Variants in MBTPS1 observed in about 807,000 individuals in gnomAD.
MBTPS1 encodes membrane bound transcription factor peptidase, site 1.
Under a neutral mutation model 127.8 loss-of-function variants are expected in MBTPS1, and 94 were observed. The ratio of observed to expected loss-of-function variants is 0.74; its 90% CI spans 0.62 to 0.87. The LOEUF (loss-of-function observed/expected upper bound fraction) is 0.87, where lower values mean the gene tolerates loss of function less well. MBTPS1 is among the 40% of genes least tolerant of loss of function. The pLI is 0.00. For missense variants in MBTPS1, 1,636 were observed against 1,353.2 expected (o/e 1.21, Z -3.28); for synonymous variants, 632 against 509.4 (o/e 1.24, Z -3.24).
chr16:84,114,511 T>C (rs2086442554), intron 1 of MBTPS1, among the ~76,000 whole-genome samples: 1 of 151,956 alleles, frequency 6.6e-6, no homozygotes, highest in Non-Finnish European at 1.5e-5. Flanking sequence ...ACCTCCAAAC[T>C]TCTAACTTCC....
Position 84,069,931 on chromosome 16 carries a change from G to A in MBTPS1, c.1890C>T (p.Asn630=), listed in dbSNP as rs2085745564. 1 of 1,613,896 alleles carries A rather than the reference G, an allele frequency of 6.2e-7. No individual in the cohort carries two copies. Among genetic ancestry groups the A allele is most frequent in the Admixed American group, 1.7e-5 (1 of 59,996 alleles). ...GGAAATAGCCAGGTGGATAGCGGAG[G>A]TTGTGGTACTGATCCCAGAGAACTC... ...SKRVLWDQYH[N]LRYPPGYFPR... is the part of the protein sequence containing the mutation. Residue 630 remains asparagine (N), a synonymous_variant, in exon 14 of 23, where the codon AAC becomes AAT. Coordinates refer to ENST00000343411, the MANE Select transcript of MBTPS1 (RefSeq NM_003791.4).
intron 22 of MBTPS1, among the ~76,000 whole-genome samples, chr16:84,055,097 C>A (rs1372666255): frequency 2.6e-5 from 4 of 152,180 alleles, no homozygotes; most frequent in African/African-American, 9.7e-5. Context: ...TGGCAGTGCC[C>A]CGCCTCTGGG....
At chr16:84,065,608 G>T (rs965195369) in intron 18 of MBTPS1, 82 bp downstream of exon 18, 6 of 889,942 alleles carry the variant, frequency 6.7e-6, no homozygotes, top group African/African-American at 5.0e-5. Context: ...AAAAGAGACA[G>T]AGATGAGAGA....
chr16:84,102,766 T>C (rs1436162851), intron 1 of MBTPS1, among the ~76,000 whole-genome samples: 1 of 152,228 alleles, frequency 6.6e-6, no homozygotes, highest in Non-Finnish European at 1.5e-5. Context: ...GCAAAGTAAT[T>C]TCCCTATCAG....
In MBTPS1 at chr16:84,108,242, C is replaced by T. The variant is rs182044288; in HGVS notation, c.-324-6135G>A. 8.2e-4 allele frequency among the ~76,000 whole-genome samples: 125 copies of T among 152,088 alleles called. 1 individual carries two copies. In the South Asian group the frequency reaches 9.4e-3, roughly 11 times the overall value. The stretch of plus-strand genomic sequence containing the variant: ...CAGACAGAGCATGCACACACAGATA[C>T]AGACACACAAACCTAAGGAAAAGCA... On this transcript the variant is annotated intron_variant, in intron 1 of 22. Transcript: ENST00000343411.
At chr16:84,116,533 C>G (rs2086481730) in intron 1 of MBTPS1, among the ~76,000 whole-genome samples, 1 of 152,214 alleles carries the variant, frequency 6.6e-6, no homozygotes, top group South Asian at 2.1e-4. Context: ...GCTGCCGGAG[C>G]GCGCAGACCC....
rs2151147962 is a variant in MBTPS1 at position 84,070,491 on chromosome 16, G to C, written c.1782+97C>G. The C allele has an allele frequency of 2.4e-6, 3 of 1,236,910 alleles. 1 individual carries two copies. The highest frequency in any genetic ancestry group is 5.5e-4 in the Middle Eastern group (2 of 3,618). The allele number at this position is 1,236,910 out of a possible 1,614,324, so 76.6% of individuals were successfully genotyped here. ...TCGAGGATAAGCCTATCTGTCAACTGTACTTCCAATGGAGACCCCAGGCAT... is the reference window on the plus strand; with the variant it reads ...TCGAGGATAAGCCTATCTGTCAACTCTACTTCCAATGGAGACCCCAGGCAT... On this transcript the variant is annotated intron_variant, in intron 13 of 22. Coordinates refer to ENST00000343411, the MANE Select transcript of MBTPS1 (RefSeq NM_003791.4).
chr16:84,089,850 G>C (rs190786490), intron 8 of MBTPS1, among the ~76,000 whole-genome samples: 18 of 152,310 alleles, frequency 1.2e-4, no homozygotes, highest in African/African-American at 4.1e-4. Flanking sequence ...CTTGAGTGGG[G>C]ACATCAGAAA....
At chr16:84,080,426 C>A (rs1451772029) in intron 11 of MBTPS1, among the ~76,000 whole-genome samples, 1 of 152,242 alleles carries the variant, frequency 6.6e-6, no homozygotes, top group Admixed American at 6.5e-5. Flanking sequence ...CATGCCCCCA[C>A]AAGACACTGA....
chr16:84,082,028 G>C (rs2085949745), intron 10 of MBTPS1, 120 bp from the exon 11 acceptor site: 1 of 634,898 alleles, frequency 1.6e-6, no homozygotes, highest in Non-Finnish European at 2.3e-6. Flanking sequence ...GTATCCAACA[G>C]GTGCTTGTCT....
At chr16:84,115,262 G>A (rs1444224497) in intron 1 of MBTPS1, among the ~76,000 whole-genome samples, 1 of 152,150 alleles carries the variant, frequency 6.6e-6, no homozygotes, top group East Asian at 1.9e-4. Context: ...CTGACTAGAA[G>A]AGCTCCCACT....
At chr16:84,066,660 T>A (rs767191338) in intron 16 of MBTPS1, 47 bp from the exon 17 acceptor site, 9 of 1,592,406 alleles carry the variant, frequency 5.7e-6, no homozygotes, top group Non-Finnish European at 6.9e-6. Flanking sequence ...ATGAAGACAC[T>A]CCATACACAG....
At chr16:84,112,874 T>C (rs748346661) in intron 1 of MBTPS1, among the ~76,000 whole-genome samples, 25 of 143,448 alleles carry the variant, frequency 1.7e-4, no homozygotes, top group Non-Finnish European at 2.4e-4. Context: ...ACTCAGGAGG[T>C]TGAGGTGGGA....
At chr16:84,076,281 A>AT (rs985125632) in intron 11 of MBTPS1, among the ~76,000 whole-genome samples, 3 of 136,422 alleles carry the variant, frequency 2.2e-5, no homozygotes, top group African/African-American at 7.6e-5. Flanking sequence ...TAACACAATA[A>AT]AAAATATATA....
chr16:84,089,269 C>T (rs972805157), intron 8 of MBTPS1, among the ~76,000 whole-genome samples: 1 of 152,258 alleles, frequency 6.6e-6, no homozygotes, highest in African/African-American at 2.4e-5. Flanking sequence ...ACCAGGCCCA[C>T]ACCTGTTTTT....
chr16:84,093,324 A>T (rs546743332), intron 5 of MBTPS1, 27 bp from the exon 6 acceptor site: 4 of 1,445,370 alleles, frequency 2.8e-6, no homozygotes, highest in Non-Finnish European at 2.9e-6. Flanking sequence ...AAACAATCCC[A>T]TAAAACACAC....
At chr16:84,098,869 C>G (rs1025915575) in intron 3 of MBTPS1, among the ~76,000 whole-genome samples, 184 bp downstream of exon 3, 20 of 152,074 alleles carry the variant, frequency 1.3e-4, no homozygotes, top group African/African-American at 4.3e-4. Flanking sequence ...ATTCTGCCCC[C>G]CCAACACCGA....
chr16:84,068,181 T>C (rs1208261393), intron 15 of MBTPS1, among the ~76,000 whole-genome samples, 158 bp downstream of exon 15: 1 of 152,262 alleles, frequency 6.6e-6, no homozygotes, highest in Admixed American at 6.5e-5. Flanking sequence ...CGCCACCACC[T>C]GTTTCAGAGC....
At chr16:84,080,289 T>C (rs903164197) in intron 11 of MBTPS1, among the ~76,000 whole-genome samples, 1 of 151,990 alleles carries the variant, frequency 6.6e-6, no homozygotes, top group East Asian at 1.9e-4. Context: ...TCAATGTAAA[T>C]GGAATGAAGG....
Sources: allele counts gnomAD v4.1 joint callset (sites outside exome capture counted in the v4.1 genomes callset), GRCh38; gene constraint gnomAD v4.1.1; transcripts MANE v1.5; gene names NCBI Gene and HGNC (gene_info 2026-07-23, HGNC 2026-07-21).